The following GRID2IP variants were observed in gnomAD, a reference collection of about 807,000 sequenced individuals.
GRID2IP encodes the protein delphilin.
Under a neutral mutation model 114.3 loss-of-function variants are expected in GRID2IP, and 78 were observed. The observed-to-expected ratio is 0.68, with a 90% CI of 0.57 to 0.82. The LOEUF (loss-of-function observed/expected upper bound fraction) is 0.82. Ranked by LOEUF, GRID2IP falls within the 40% of genes least tolerant of loss-of-function variation. The pLI, the probability that GRID2IP is intolerant of heterozygous loss-of-function variation, is 0.00. For missense variants in GRID2IP, 1,727 were observed against 1,678.5 expected (o/e 1.03, Z -0.51); for synonymous variants, 809 against 724.0 (o/e 1.12, Z -1.89).
At chr7:6,531,568 TAGA>T (rs1396448243) in intron 2 of GRID2IP, among the ~76,000 whole-genome samples, 8 of 152,178 alleles carry the variant, frequency 5.3e-5, no homozygotes, top group Non-Finnish European at 1.2e-4. Context: ...GTCGGCCGGC[TAGA>T]AGAAGCCCTG....
chr7:6,515,085 A>C (rs1317475601), intron 7 of GRID2IP, among the ~76,000 whole-genome samples: 1 of 152,140 alleles, frequency 6.6e-6, no homozygotes, highest in Non-Finnish European at 1.5e-5. Flanking sequence ...CAAGTGACTT[A>C]CCCTCTCTGT....
rs568236397 is a variant in GRID2IP, at chr7:6,498,159, G to A, written c.3469C>T (p.Leu1157=). Residue 1157 remains leucine, a synonymous_variant, in exon 21 of 22, where the codon CTG becomes TTG. Coordinates refer to ENST00000457091, the MANE Select transcript of GRID2IP (RefSeq NM_001145118.2). ...DGLQREAMEE[L]GKALAFFGED... The stretch of plus-strand genomic sequence containing the variant: ...CCAAAGAAGGCCAGCGCCTTGCCCA[G>A]CTCCTCCATGGCCTCGCGCTGCAGC... The A allele has an allele frequency of 6.4e-7, 1 of 1,551,502 alleles. No homozygotes were observed. The highest frequency in any genetic ancestry group is 2.4e-5 in the East Asian group (1 of 40,916).
chr7:6,531,929 G>A (rs888521221), intron 2 of GRID2IP, among the ~76,000 whole-genome samples: 1 of 152,324 alleles, frequency 6.6e-6, no homozygotes, highest in Admixed American at 6.5e-5. Context: ...GTCAGTGCGA[G>A]TGAGGACAGG....
chr7:6,499,636 G>A (rs1285627303), intron 20 of GRID2IP, among the ~76,000 whole-genome samples: 1 of 151,952 alleles, frequency 6.6e-6, no homozygotes, highest in Non-Finnish European at 1.5e-5. Context: ...TCACCATGTT[G>A]GCCAGGCTGG....
intron 8 of GRID2IP, among the ~76,000 whole-genome samples, chr7:6,511,389 TG>T (rs1198330698): frequency 6.6e-6 from 1 of 151,226 alleles, no homozygotes; most frequent in Non-Finnish European, 1.5e-5. Context: ...GTTTTTTTTT[TG>T]AGACTGAGTT....
At chr7:6,550,980 G>GGACCCCCCCC in intron 1 of GRID2IP, 28 bp downstream of exon 1, 1 of 550,070 alleles carries the variant, frequency 1.8e-6, no homozygotes, top group Non-Finnish European at 2.3e-6. Context: ...CCTCCTTCCC[G>GGACCCCCCCC]CCCCCACCTC....
rs1245309920 is a variant in GRID2IP at position 6,510,395 on chromosome 7, T to G, written c.1659A>C (p.Ser553=). ...GAGACTCAAGCTCTGCATAGACGGC[T>G]GACATCTGGAGGGAGACGGGGGAGA... The part of the protein sequence containing the change: ...LPETPNPKMM[S]AVYAELESRL... The change falls in exon 11 of 22, where the codon TCA becomes TCC. Residue 553 remains serine (S), a synonymous_variant. Coordinates refer to ENST00000457091, the MANE Select transcript of GRID2IP (RefSeq NM_001145118.2). The G allele has an allele frequency of 6.5e-7, 1 of 1,529,238 alleles. No individual in the cohort carries two copies. The highest frequency in any genetic ancestry group is 1.4e-5 in the African/African-American group (1 of 72,052). 94.7% of individuals were successfully genotyped at this position (1,529,238 alleles called of 1,614,324 possible). A position where few individuals can be genotyped will look rare whatever the true frequency, so the allele number is the denominator to read the frequency against.
chr7:6,526,830 G>C lies in GRID2IP; in HGVS notation c.585-61C>G, dbSNP rs575244723. 4.2e-3 allele frequency: 5,936 copies of C among 1,408,430 alleles called. 21 individuals carry two copies. The highest frequency in any genetic ancestry group is 4.9e-3 in the Non-Finnish European group (5,252 of 1,081,670). 87.2% of individuals were successfully genotyped at this position (1,408,430 alleles called of 1,614,324 possible). Reference sequence around the variant, plus strand: ...CGGACCCCGGATCTCTGCAAACCGCGGCCCGAAGGCGCGTCCTCGCGGGCG... The same window carrying C: ...CGGACCCCGGATCTCTGCAAACCGCCGCCCGAAGGCGCGTCCTCGCGGGCG... On this transcript the variant is annotated intron_variant, in intron 2 of 21. Transcript: ENST00000457091. This position sits in a 1 kb window ranked among gnomAD's most constrained non-coding sequence, Gnocchi z 7.6.
In GRID2IP at chr7:6,520,148, C is replaced by G. The variant is rs529747536; in HGVS notation, c.1268+430G>C. Among the ~76,000 whole-genome samples, 2 of 152,190 alleles carry G rather than the reference C, an allele frequency of 1.3e-5. No homozygotes were observed. The highest frequency in any genetic ancestry group is 3.9e-4 in the East Asian group (2 of 5,178). ...TCTAGTAAAAATACAAAAAAATTAG[C>G]CGGGTGTGGTGGTGGGCACCTGTAA... On this transcript the variant is annotated intron_variant, in intron 7 of 21. Coordinates refer to ENST00000457091, the MANE Select transcript of GRID2IP (RefSeq NM_001145118.2). The surrounding 1 kb of genome is among the most constrained non-coding windows in gnomAD (Gnocchi z 4.6).
In GRID2IP at chr7:6,551,252, C is replaced by A. The variant is rs752672201; in HGVS notation, c.185G>T (p.Arg62Leu). 9 of 1,533,708 alleles carry A rather than the reference C, an allele frequency of 5.9e-6. 1 individual carries two copies. In the African/African-American group the frequency reaches 9.6e-5, roughly 16 times the overall value. Residue 62 changes from arginine to leucine, a missense_variant, in exon 1 of 22, where the codon CGC (arginine) becomes CTC (leucine). Physicochemically the swap from Arg to Leu is moderately radical, Grantham distance 102. Coordinates refer to ENST00000457091, the MANE Select transcript of GRID2IP (RefSeq NM_001145118.2). ...VEGLAVGGLS[R>L]ERLVRLARRC... Reference sequence around the variant, plus strand: ...CCGTGCCAGGCGCACGAGGCGCTCGCGGCTCAGACCGCCCACCGCCAGCCC... The same window carrying A: ...CCGTGCCAGGCGCACGAGGCGCTCGAGGCTCAGACCGCCCACCGCCAGCCC...
Position 6,508,372 on chromosome 7 carries a change from G to A in GRID2IP, c.2157C>T (p.Phe719=). ...EMSFHDDQGS[F]VTNERSSASD... is the part of the protein sequence containing the mutation. ...TGGCGCTGCTCCGCTCATTGGTTAC[G>A]AAGCTGCCCTGGTCATCATGGAAGC... The change falls in exon 13 of 22, where the codon TTC becomes TTT. Residue 719 remains phenylalanine (F), a synonymous_variant. Transcript: ENST00000457091. The surrounding 1 kb of genome is among the most constrained non-coding windows in gnomAD (Gnocchi z 5.6). 9.0e-6 allele frequency: 14 copies of A among 1,551,536 alleles called. No homozygotes were observed. Among genetic ancestry groups the A allele is most frequent in the South Asian group, 3.6e-5 (3 of 84,058 alleles).
rs2115065261 is a variant in GRID2IP, at chr7:6,516,044, C to T, written c.1269-1515G>A. Among the ~76,000 whole-genome samples, 1 of 152,096 alleles carries T rather than the reference C, an allele frequency of 6.6e-6. No homozygotes were observed. The highest frequency in any genetic ancestry group is 1.5e-5 in the Non-Finnish European group (1 of 68,024). On this transcript the variant is annotated intron_variant, in intron 7 of 21. Transcript: ENST00000457091. This position sits in a 1 kb window ranked among gnomAD's most constrained non-coding sequence, Gnocchi z 4.3. ...CCCGGGAGGTGGAGGTTGCAGTGAG[C>T]TGAGATCGCGCCATTGCACTCCAGC...
rs1779312443 is a variant in GRID2IP at position 6,516,828 on chromosome 7, G to A, written c.1269-2299C>T. 6.6e-6 allele frequency among the ~76,000 whole-genome samples: 1 copy of A among 152,110 alleles called. No homozygotes were observed. Among genetic ancestry groups the A allele is most frequent in the African/African-American group, 2.4e-5 (1 of 41,470 alleles). The stretch of plus-strand genomic sequence containing the variant: ...CGTAAGCTGTCCCCTCTTTCTCTCC[G>A]CCTCAGCTACCAAATAGGGAAGGGC... On this transcript the variant is annotated intron_variant, in intron 7 of 21. Transcript: ENST00000457091. The surrounding 1 kb of genome is among the most constrained non-coding windows in gnomAD (Gnocchi z 4.3).
chr7:6,506,131 T>C lies in GRID2IP; in HGVS notation c.2545-224A>G, dbSNP rs2115358256. Among the ~76,000 whole-genome samples, 1 of 152,258 alleles carries C rather than the reference T, an allele frequency of 6.6e-6. No individual in the cohort carries two copies. The highest frequency in any genetic ancestry group is 2.1e-4 in the South Asian group (1 of 4,822). On this transcript the variant is annotated intron_variant, in intron 13 of 21. Transcript: ENST00000457091. This position sits in a 1 kb window ranked among gnomAD's most constrained non-coding sequence, Gnocchi z 5.2. ...CTGGGGTCAATCGAGACTCAAGACT[T>C]GGAACACTACTCGTGCAGAAGCCAG...
Position 6,508,267 on chromosome 7 carries a change from G to C in GRID2IP, c.2262C>G (p.Leu754=), listed in dbSNP as rs1786655177. 2 of 1,521,092 alleles carry C rather than the reference G, an allele frequency of 1.3e-6. No individual in the cohort carries two copies. Among genetic ancestry groups the C allele is most frequent in the Admixed American group, 2.0e-5 (1 of 50,078 alleles). 94.2% of individuals were successfully genotyped at this position (1,521,092 alleles called of 1,614,324 possible). A position where few individuals can be genotyped will look rare whatever the true frequency, so the allele number is the denominator to read the frequency against. ...SISDHIPPPP[L]SPPPPPPLPF... is the part of the protein sequence containing the mutation. ...GCAGGGGTGGCGGTGGTGGGGGGCT[G>C]AGCGGGGGTGGGGGGATGTGGTCAG... Residue 754 remains leucine (L), a synonymous_variant, in exon 13 of 22, where the codon CTC becomes CTG. Transcript: ENST00000457091. The surrounding 1 kb of genome is among the most constrained non-coding windows in gnomAD (Gnocchi z 5.6).
Position 6,526,101 on chromosome 7 carries a change from T to G in GRID2IP, c.919+123A>C. The G allele has an allele frequency of 2.8e-6, 2 of 721,408 alleles. No individual in the cohort carries two copies. Among genetic ancestry groups the G allele is most frequent in the Non-Finnish European group, 4.9e-6 (2 of 409,504 alleles). 44.7% of individuals were successfully genotyped at this position (721,408 alleles called of 1,614,324 possible). A position where few individuals can be genotyped will look rare whatever the true frequency, so the allele number is the denominator to read the frequency against. On this transcript the variant is annotated intron_variant, in intron 4 of 21. Coordinates refer to ENST00000457091, the MANE Select transcript of GRID2IP (RefSeq NM_001145118.2). This position sits in a 1 kb window ranked among gnomAD's most constrained non-coding sequence, Gnocchi z 7.6. ...ACACGGTCTACACAAGGATGGTACC[T>G]GACGTGGAGGGGTTGCTGAGCAGGA...
intron 1 of GRID2IP, among the ~76,000 whole-genome samples, chr7:6,540,567 C>T (rs945803996): frequency 3.3e-5 from 5 of 151,438 alleles, no homozygotes; most frequent in Non-Finnish European, 7.4e-5. Flanking sequence ...GCCACCCAGG[C>T]TGGGGTGCGG....
rs73059357 is a variant in GRID2IP at position 6,523,240 on chromosome 7, G to A, written c.920-1283C>T. The stretch of plus-strand genomic sequence containing the variant: ...AAGTGGAAACTGTCCAGAGAAGAGA[G>A]GGAACAATTAGGGAAGACTTCCCGG... On this transcript the variant is annotated intron_variant, in intron 4 of 21. Coordinates refer to ENST00000457091, the MANE Select transcript of GRID2IP (RefSeq NM_001145118.2). This position sits in a 1 kb window ranked among gnomAD's most constrained non-coding sequence, Gnocchi z 4.5. Among the ~76,000 whole-genome samples, 1,149 of 152,300 alleles carry A rather than the reference G, an allele frequency of 7.5e-3. 7 individuals are homozygous for A. The highest frequency in any genetic ancestry group is 0.012 in the Non-Finnish European group (787 of 68,024).
chr7:6,538,210 A>G (rs769571670), intron 2 of GRID2IP, among the ~76,000 whole-genome samples: 1 of 152,018 alleles, frequency 6.6e-6, no homozygotes. Context: ...CTAAAAAAAT[A>G]CAAAAATTAG....
Sources: gnomAD v4.1 joint callset for allele counts (sites outside exome capture counted in the v4.1 genomes callset) on GRCh38, gnomAD v4.1.1 for gene constraint, Gnocchi (gnomAD v3.1) non-coding constraint, MANE v1.5 for transcripts, NCBI Gene and HGNC (gene_info 2026-07-23, HGNC 2026-07-21) for gene names.